The following DNMT3A variants were observed in gnomAD, a reference collection of about 807,000 sequenced individuals.
The protein encoded by DNMT3A is DNA (cytosine-5)-methyltransferase 3A.
A neutral mutation model predicts 117.6 loss-of-function variants in DNMT3A; 267 were observed. The observed-to-expected ratio is 2.27, with a 90% CI of 2.05 to 2.51. The LOEUF is 2.51. DNMT3A is among the 30% of genes most tolerant of loss of function. DNMT3A has a pLI of 0.00. For synonymous variants in DNMT3A, 432 were observed against 474.8 expected (o/e 0.91, Z 1.17); for missense variants, 1,029 against 1,260.2 (o/e 0.82, Z 2.78).
chr2:25,307,159 T>C (rs749130), intron 2 of DNMT3A, among the ~76,000 whole-genome samples: 80,365 of 152,074 alleles, frequency 0.53, 21,522 homozygotes, highest in African/African-American at 0.57. Flanking sequence ...TGCCCTTCCA[T>C]GCAGCACAAA....
intron 1 of DNMT3A, among the ~76,000 whole-genome samples, chr2:25,341,270 G>C (rs2035432751): frequency 6.9e-6 from 1 of 144,050 alleles, no homozygotes; most frequent in Non-Finnish European, 1.5e-5. Context: ...CCGCCGCCGC[G>C]GAGCCTGCGC....
In DNMT3A at chr2:25,241,625, GCCCA is replaced by G. The variant is rs1674046335; in HGVS notation, c.2015_2018del (p.Val672AlafsTer32). 1 of 1,613,902 alleles carries G rather than the reference GCCCA, an allele frequency of 6.2e-7. No homozygotes were observed. The highest frequency in any genetic ancestry group is 8.5e-7 in the Non-Finnish European group (1 of 1,179,954). On this transcript the variant is annotated frameshift_variant, in exon 17 of 23. Transcript: ENST00000321117. LOFTEE classifies it high-confidence loss of function. ...TGATCTTCCCCTGGTGCCGCACCAT[GCCCA>G]CCGTGATGGAGTCCTCACACACCTC...
intron 3 of DNMT3A, among the ~76,000 whole-genome samples, chr2:25,299,531 C>T (rs939902861): frequency 6.6e-6 from 1 of 152,208 alleles, no homozygotes; most frequent in Non-Finnish European, 1.5e-5. Flanking sequence ...TCTTGCTTCC[C>T]TTCCAGAGGG....
chr2:25,315,573 G>T (rs1031920615), intron 1 of DNMT3A, among the ~76,000 whole-genome samples: 1 of 152,228 alleles, frequency 6.6e-6, no homozygotes, highest in Non-Finnish European at 1.5e-5. Flanking sequence ...CAGCTCCATC[G>T]GCCACATGCC....
intron 6 of DNMT3A, among the ~76,000 whole-genome samples, chr2:25,274,632 C>G (rs955942085): frequency 7.9e-5 from 12 of 152,264 alleles, no homozygotes; most frequent in African/African-American, 2.7e-4. Flanking sequence ...ACCACCCCAA[C>G]TAAAGCAGGC....
Position 25,240,426 on chromosome 2 carries a change from T to A in DNMT3A, c.2198A>T (p.Glu733Val), listed in dbSNP as rs755376933. The A allele has an allele frequency of 6.2e-7, 1 of 1,611,724 alleles. No individual in the cohort carries two copies. The highest frequency in any genetic ancestry group is 8.5e-7 in the Non-Finnish European group (1 of 1,178,878). ...CGCATCATGCAGGAGGCGGTAGAAC[T>A]CAAAGAAGAGCCGGCCAGTGCCCTC... ...LYEGTGRLFF[E>V]FYRLLHDARP... The change falls in exon 19 of 23, where the codon GAG (glutamate) becomes GTG (valine). Residue 733 changes from glutamate to valine, a missense_variant. Coordinates refer to ENST00000321117, the MANE Select transcript of DNMT3A (RefSeq NM_022552.5).
Position 25,236,928 on chromosome 2 carries a change from G to A in DNMT3A, c.2478+8C>T, listed in dbSNP as rs777043930. On this transcript the variant is annotated splice_region_variant and intron_variant, in intron 21 of 22. Coordinates refer to ENST00000321117, the MANE Select transcript of DNMT3A (RefSeq NM_022552.5). The surrounding 1 kb of genome is among the most constrained non-coding windows in gnomAD (Gnocchi z 4.5). ...CCCCCAGCAGAGGTTCTAGACGCTG[G>A]AGCTGACCTTGGCTATCCTGCCATG... 1 of 1,611,392 alleles carries A rather than the reference G, an allele frequency of 6.2e-7. No homozygotes were observed. The highest frequency in any genetic ancestry group is 2.2e-5 in the East Asian group (1 of 44,826).
intron 1 of DNMT3A, among the ~76,000 whole-genome samples, chr2:25,330,199 G>C (rs2034961522): frequency 6.6e-6 from 1 of 152,228 alleles, no homozygotes; most frequent in Admixed American, 6.5e-5. Flanking sequence ...GGGTATGCCA[G>C]ATTAATTATG....
Position 25,282,641 on chromosome 2 carries a change from C to T in DNMT3A, c.248G>A (p.Gly83Asp), listed in dbSNP as rs2031972346. The T allele has an allele frequency of 3.7e-6, 6 of 1,611,952 alleles. No individual in the cohort carries two copies. The highest frequency in any genetic ancestry group is 4.2e-6 in the Non-Finnish European group (5 of 1,179,014). Residue 83 changes from glycine to aspartate, a missense_variant, in exon 4 of 23, where the codon GGC becomes GAC. Physicochemically the swap from Gly to Asp is moderately conservative, Grantham distance 94 (BLOSUM62 -1). Coordinates refer to ENST00000321117, the MANE Select transcript of DNMT3A (RefSeq NM_022552.5). This position sits in a 1 kb window ranked among gnomAD's most constrained non-coding sequence, Gnocchi z 5.2. The part of the protein sequence containing the change: ...SKSPSMAQDS[G>D]ASELLPNGDL... ...CCCATTGGGTAATAGCTCTGAGGCG[C>T]CTGAGTCCTGGGCCATGGATGGGGA...
At position 25,339,017 on chromosome 2, in the gene DNMT3A, C is replaced by T. The variant is rs568405517; in HGVS notation, c.-178+2809G>A. Among the ~76,000 whole-genome samples the T allele has an allele frequency of 3.3e-5, 5 of 152,182 alleles. No homozygotes were observed. The highest frequency in any genetic ancestry group is 3.9e-4 in the East Asian group (2 of 5,160). ...GTACTTTTTACACCCTCTGCAGAGTCGGACGTGACCAACCCGTCTCTTGCA... is the reference window on the plus strand; with the variant it reads ...GTACTTTTTACACCCTCTGCAGAGTTGGACGTGACCAACCCGTCTCTTGCA... On this transcript the variant is annotated intron_variant, in intron 1 of 22. Coordinates refer to ENST00000321117, the MANE Select transcript of DNMT3A (RefSeq NM_022552.5). The surrounding 1 kb of genome is among the most constrained non-coding windows in gnomAD (Gnocchi z 4.9).
rs1674431008 is a variant in DNMT3A at position 25,244,176 on chromosome 2, A to G, written c.1830T>C (p.Ala610=). The G allele has an allele frequency of 6.2e-7, 1 of 1,613,922 alleles. No homozygotes were observed. Among genetic ancestry groups the G allele is most frequent in the Non-Finnish European group, 8.5e-7 (1 of 1,180,028 alleles). The change falls in exon 15 of 23, where the codon GCT becomes GCC. Residue 610 remains alanine (A), a synonymous_variant. Coordinates refer to ENST00000321117, the MANE Select transcript of DNMT3A (RefSeq NM_022552.5). ...TCACAAATTCCTGGTCGTGGTTATT[A>G]GCGAAGAACATCTGGAGCCGGGAGG... ...DWPSRLQMFF[A]NNHDQEFDPP...
intron 6 of DNMT3A, among the ~76,000 whole-genome samples, chr2:25,272,671 C>T (rs2031017052): frequency 6.6e-6 from 1 of 152,196 alleles, no homozygotes; most frequent in Admixed American, 6.5e-5. Flanking sequence ...GGGTAAGTGC[C>T]TCTCCTCCCA....
At chr2:25,253,944 C>T (rs761697491) in intron 6 of DNMT3A, among the ~76,000 whole-genome samples, 7 of 152,014 alleles carry the variant, frequency 4.6e-5, no homozygotes, top group Non-Finnish European at 7.4e-5. Flanking sequence ...TGGTGGCGTG[C>T]GCCAGTAATC....
Position 25,298,374 on chromosome 2 carries a change from C to A in DNMT3A, c.177+1765G>T, listed in dbSNP as rs1230638418. Among the ~76,000 whole-genome samples the A allele has an allele frequency of 6.6e-6, 1 of 152,236 alleles. No individual in the cohort carries two copies. The highest frequency in any genetic ancestry group is 1.5e-5 in the Non-Finnish European group (1 of 68,040). The stretch of plus-strand genomic sequence containing the variant: ...TCCCTGACTTCCTTGTACCTTTTCA[C>A]CCGAGTGCTTCACTCCACCTCTCAG... On this transcript the variant is annotated intron_variant, in intron 3 of 22. Coordinates refer to ENST00000321117, the MANE Select transcript of DNMT3A (RefSeq NM_022552.5). The surrounding 1 kb of genome is among the most constrained non-coding windows in gnomAD (Gnocchi z 4.3).
Position 25,234,087 on chromosome 2 carries a change from G to T in DNMT3A, c.*192C>A. On this transcript the variant is annotated 3_prime_UTR_variant, in exon 23 of 23. Transcript: ENST00000321117. This position sits in a 1 kb window ranked among gnomAD's most constrained non-coding sequence, Gnocchi z 4.5. Reference sequence around the variant, plus strand: ...GAATAACATTGAAAAATCAGGAGATGATGTCCAACCCTTTTCGCAAGGCAA... The same window carrying T: ...GAATAACATTGAAAAATCAGGAGATTATGTCCAACCCTTTTCGCAAGGCAA... 1.3e-6 allele frequency: 1 copy of T among 758,808 alleles called. No homozygotes were observed. Among genetic ancestry groups the T allele is most frequent in the Non-Finnish European group, 1.9e-6 (1 of 523,820 alleles). 47.0% of individuals were successfully genotyped at this position (758,808 alleles called of 1,614,324 possible).
At chr2:25,249,874 C>T (rs1334819670) in intron 6 of DNMT3A, 5 of 893,668 alleles carry the variant, frequency 5.6e-6, no homozygotes, top group African/African-American at 5.0e-5. Flanking sequence ...TTTCTACATG[C>T]CTTTCAAAAG....
chr2:25,255,811 G>C (rs1452804751), intron 6 of DNMT3A, among the ~76,000 whole-genome samples: 2 of 152,200 alleles, frequency 1.3e-5, no homozygotes, highest in Non-Finnish European at 2.9e-5. Context: ...GAAGAGTCAT[G>C]ATCATAAGTA....
In DNMT3A at chr2:25,234,341, A is replaced by G; in HGVS notation, c.2677T>C (p.Trp893Arg). The G allele has an allele frequency of 6.2e-7, 1 of 1,614,182 alleles. No individual in the cohort carries two copies. The highest frequency in any genetic ancestry group is 8.5e-7 in the Non-Finnish European group (1 of 1,180,014). Residue 893 changes from tryptophan (W) to arginine (R), a missense_variant, in exon 23 of 23, where the codon TGG (tryptophan) becomes CGG (arginine). Coordinates refer to ENST00000321117, the MANE Select transcript of DNMT3A (RefSeq NM_022552.5). The surrounding 1 kb of genome is among the most constrained non-coding windows in gnomAD (Gnocchi z 4.5). ...AGGTGGCGGATGACTGGCACGCTCCATGACCGGCCCAGCAGTCTCTGCCTC... is the reference window on the plus strand; with the variant it reads ...AGGTGGCGGATGACTGGCACGCTCCGTGACCGGCCCAGCAGTCTCTGCCTC... ...LARQRLLGRS[W>R]SVPVIRHLFA...
In DNMT3A at chr2:25,335,089, T is replaced by C. The variant is rs1011258113; in HGVS notation, c.-178+6737A>G. Among the ~76,000 whole-genome samples the C allele has an allele frequency of 2.0e-5, 3 of 152,250 alleles. No homozygotes were observed. The South Asian group carries it at 6.2e-4, about 32-fold the overall frequency. On this transcript the variant is annotated intron_variant, in intron 1 of 22. Transcript: ENST00000321117. ...ATGTGCAAACCTAAACATGTGTATA[T>C]TTGTATCGATTTTAAAGAATTTCAC...
Sources: gnomAD v4.1 joint callset for allele counts (sites outside exome capture counted in the v4.1 genomes callset) on GRCh38, gnomAD v4.1.1 for gene constraint, Gnocchi (gnomAD v3.1) non-coding constraint, MANE v1.5 for transcripts, NCBI Gene and HGNC (gene_info 2026-07-23, HGNC 2026-07-21) for gene names.